Variants in MS4A5 observed in about 807,000 individuals in gnomAD.
The protein encoded by MS4A5 is membrane-spanning 4-domains subfamily A member 5.
In MS4A5, 15 loss-of-function variants were observed where a neutral mutation model predicts 18.2. That is an observed-to-expected ratio of 0.83 (90% CI 0.55 to 1.27). The LOEUF (loss-of-function observed/expected upper bound fraction) is 1.27. MS4A5 is among the 50% of genes most tolerant of loss of function. The pLI, the probability that MS4A5 is intolerant of heterozygous loss-of-function variation, is 0.00. For synonymous variants in MS4A5, 89 were observed against 78.7 expected, an observed-to-expected ratio of 1.13 and a Z score of -0.69; for missense variants, 232 against 225.7, an observed-to-expected ratio of 1.03 and a Z score of -0.18.
At position 60,436,937 on chromosome 11, in the gene MS4A5, C is replaced by T. The variant is rs538177081; in HGVS notation, c.492+3020C>T. 1.4e-3 allele frequency among the ~76,000 whole-genome samples: 182 copies of T among 132,314 alleles called. 20 individuals are homozygous for T. The highest frequency in any genetic ancestry group is 4.6e-3 in the African/African-American group (175 of 37,958). 86.8% of individuals were successfully genotyped at this position (132,314 alleles called of 152,430 possible). On this transcript the variant is annotated intron_variant, in intron 4 of 4. Coordinates refer to ENST00000300190, the MANE Select transcript of MS4A5 (RefSeq NM_023945.3). ...ATACAGAGAACGCCACAAAGATACT[C>T]CTCGAGAAAAGCAACTCCAAGACAC...
At chr11:60,434,095 A>G (rs527399360) in intron 4 of MS4A5, among the ~76,000 whole-genome samples, 178 bp downstream of exon 4, 39 of 152,348 alleles carry the variant, frequency 2.6e-4, no homozygotes, top group African/African-American at 9.1e-4. Flanking sequence ...GAAGAGAAAA[A>G]TAAACACATT....
chr11:60,437,545 A>C (rs886214038), intron 4 of MS4A5, among the ~76,000 whole-genome samples: 5 of 152,208 alleles, frequency 3.3e-5, no homozygotes, highest in Non-Finnish European at 7.3e-5. Context: ...GTGCAGAGAC[A>C]CACATAGGCT....
At chr11:60,442,574 A>C (rs1331523024) in intron 4 of MS4A5, among the ~76,000 whole-genome samples, 1 of 152,144 alleles carries the variant, frequency 6.6e-6, no homozygotes, top group Non-Finnish European at 1.5e-5. Context: ...CAGGTTGATA[A>C]GTGCAGCAAA....
At chr11:60,436,145 G>A (rs1297006069) in intron 4 of MS4A5, among the ~76,000 whole-genome samples, 1 of 151,776 alleles carries the variant, frequency 6.6e-6, no homozygotes. Flanking sequence ...TAACTGGGAG[G>A]CACCCCCCAG....
chr11:60,447,091 C>T (rs572797228), intron 4 of MS4A5, among the ~76,000 whole-genome samples: 2 of 147,894 alleles, frequency 1.4e-5, no homozygotes, highest in African/African-American at 5.2e-5. Flanking sequence ...GCTATGCTAG[C>T]TATGCTATGC....
intron 2 of MS4A5, 43 bp downstream of exon 2, chr11:60,430,967 A>G (rs1490153553): frequency 1.9e-6 from 3 of 1,584,234 alleles, no homozygotes; most frequent in Non-Finnish European, 2.6e-6. Flanking sequence ...CATGCCAACC[A>G]GGATGTTAGG....
chr11:60,434,055 T>G, intron 4 of MS4A5, 138 bp downstream of exon 4: 1 of 781,792 alleles, frequency 1.3e-6, no homozygotes, highest in South Asian at 2.0e-5. Context: ...AAATCCATAA[T>G]ATTTGATAGA....
rs535097589 is a variant in MS4A5 at position 60,442,867 on chromosome 11, G to T, written c.493-4782G>T. Among the ~76,000 whole-genome samples the T allele has an allele frequency of 7.4e-4, 113 of 152,276 alleles. 1 individual carries two copies. Among genetic ancestry groups the T allele is most frequent in the Non-Finnish European group, 1.1e-3 (78 of 68,024 alleles). On this transcript the variant is annotated intron_variant, in intron 4 of 4. Coordinates refer to ENST00000300190, the MANE Select transcript of MS4A5 (RefSeq NM_023945.3). ...AAAAATGAAAGTGAAATAGCCAGGC[G>T]CAGTGGCTCAGGCCTGTAATCCCAG...
rs149850229 is a variant in MS4A5 at position 60,446,531 on chromosome 11, G to A, written c.493-1118G>A. ...AGGTGGGCAGATCACCTGAAGTCAG[G>A]AGTTCAGCGCTGCCAACATGGCGAA... On this transcript the variant is annotated intron_variant, in intron 4 of 4. Transcript: ENST00000300190. 4.7e-3 allele frequency among the ~76,000 whole-genome samples: 715 copies of A among 152,252 alleles called. 6 individuals carry two copies. Among genetic ancestry groups the A allele is most frequent in the African/African-American group, 0.017 (689 of 41,552 alleles).
At position 60,440,673 on chromosome 11, in the gene MS4A5, A is replaced by G. The variant is rs1402268983; in HGVS notation, c.492+6756A>G. Reference sequence around the variant, plus strand: ...TTTATGCAGCCAAAAAACACATGAAAAAATGCTCACCATCACTGGCCATCA... The same window carrying G: ...TTTATGCAGCCAAAAAACACATGAAGAAATGCTCACCATCACTGGCCATCA... On this transcript the variant is annotated intron_variant, in intron 4 of 4. Transcript: ENST00000300190. Among the ~76,000 whole-genome samples the G allele has an allele frequency of 6.1e-5, 9 of 148,550 alleles. No homozygotes were observed. In the South Asian group the frequency reaches 8.7e-4, roughly 14 times the overall value.
At chr11:60,447,299 C>G (rs201402525) in intron 4 of MS4A5, among the ~76,000 whole-genome samples, 93 of 96,328 alleles carry the variant, frequency 9.7e-4, no homozygotes, top group Non-Finnish European at 1.7e-3. Context: ...GCTATGCTAT[C>G]CTATGCTGTG....
chr11:60,439,950 A>G (rs28832069), intron 4 of MS4A5, among the ~76,000 whole-genome samples: 2 of 142,114 alleles, frequency 1.4e-5, no homozygotes, highest in Non-Finnish European at 3.1e-5. Flanking sequence ...GGGACCAAAA[A>G]AGAGCCCACA....
intron 2 of MS4A5, among the ~76,000 whole-genome samples, chr11:60,432,095 C>T (rs2086051339): frequency 6.6e-6 from 1 of 152,134 alleles, no homozygotes; most frequent in African/African-American, 2.4e-5. Flanking sequence ...ACTTGAAATC[C>T]CTTTGTCATG....
chr11:60,443,661 C>G (rs1330630965), intron 4 of MS4A5, among the ~76,000 whole-genome samples: 1 of 151,734 alleles, frequency 6.6e-6, no homozygotes, highest in African/African-American at 2.4e-5. Context: ...AAATACAACA[C>G]AAACCATGGA....
chr11:60,438,583 A>G (rs2135175863), intron 4 of MS4A5, among the ~76,000 whole-genome samples: 1 of 152,280 alleles, frequency 6.6e-6, no homozygotes, highest in East Asian at 1.9e-4. Flanking sequence ...AAAAAATGAT[A>G]AAGGGGATGT....
intron 4 of MS4A5, among the ~76,000 whole-genome samples, chr11:60,440,586 A>G (rs965182464): frequency 6.7e-6 from 1 of 148,604 alleles, no homozygotes; most frequent in Non-Finnish European, 1.5e-5. Flanking sequence ...ACAAGAAAAA[A>G]ACAAACAACC....
In MS4A5 at chr11:60,430,897, A is replaced by G; in HGVS notation, c.255A>G (p.Ser85=). The G allele has an allele frequency of 6.2e-7, 1 of 1,612,898 alleles. No individual in the cohort carries two copies. The highest frequency in any genetic ancestry group is 8.5e-7 in the Non-Finnish European group (1 of 1,179,874). Residue 85 remains serine (S), a synonymous_variant, in exon 2 of 5, where the codon TCA becomes TCG. Coordinates refer to ENST00000300190, the MANE Select transcript of MS4A5 (RefSeq NM_023945.3). ...PYPRFPFIFL[S]GYPFWGSVLF... is the part of the protein sequence containing the mutation. ...CAAGGTTTCCCTTTATATTTCTTTC[A>G]GGATATCCATTCTGGGGCTCTGTTT...
At chr11:60,437,455 C>G (rs914737299) in intron 4 of MS4A5, among the ~76,000 whole-genome samples, 1 of 151,826 alleles carries the variant, frequency 6.6e-6, no homozygotes, top group Non-Finnish European at 1.5e-5. Flanking sequence ...ACTAAATGCT[C>G]CAATTAATAG....
At chr11:60,442,252 T>C (rs2086117120) in intron 4 of MS4A5, among the ~76,000 whole-genome samples, 1 of 152,244 alleles carries the variant, frequency 6.6e-6, no homozygotes, top group African/African-American at 2.4e-5. Flanking sequence ...ATATGCATTG[T>C]GGAATGTTTA....
Sources: gnomAD v4.1 joint callset for allele counts (sites outside exome capture counted in the v4.1 genomes callset) on GRCh38, gnomAD v4.1.1 for gene constraint, MANE v1.5 for transcripts, NCBI Gene and HGNC (gene_info 2026-07-23, HGNC 2026-07-21) for gene names.